PATJ: variants seen among roughly 807,000 people sequenced by gnomAD.
PATJ encodes the protein PATJ crumbs cell polarity complex component.
In PATJ, 190 loss-of-function variants were observed where a neutral mutation model predicts 224.9. The observed-to-expected ratio is 0.84, with a 90% CI of 0.75 to 0.95. The LOEUF (loss-of-function observed/expected upper bound fraction) is 0.95, where lower values mean the gene tolerates loss of function less well. Among genes scored for constraint, PATJ ranks in the 40% least tolerant of loss-of-function variants. The probability of loss-of-function intolerance (pLI) is 0.00; values close to 1 mark genes in which losing one functional copy is unlikely to be tolerated. For missense variants in PATJ, 2,121 were observed against 2,270.3 expected (o/e 0.93, Z 1.34); for synonymous variants, 769 against 820.3 (o/e 0.94, Z 1.07).
intron 19 of PATJ, among the ~76,000 whole-genome samples, chr1:61,862,190 AGTT>A (rs398069480): frequency 6.6e-6 from 1 of 150,978 alleles, no homozygotes; most frequent in African/African-American, 2.4e-5. Context: ...ATATATATAT[AGTT>A]GTTGTTGTTA....
At chr1:61,856,314 A>G (rs2148910365) in intron 18 of PATJ, 75 bp downstream of exon 18, 1 of 1,189,182 alleles carries the variant, frequency 8.4e-7, no homozygotes, top group East Asian at 2.3e-5. Flanking sequence ...GGAGACACAT[A>G]TACCTGGCCA....
chr1:62,106,182 A>ATATATATATATATATATATATC (rs1410706437), intron 33 of PATJ, among the ~76,000 whole-genome samples: 2 of 108,080 alleles, frequency 1.9e-5, no homozygotes, highest in African/African-American at 6.8e-5. Flanking sequence ...ATATATATAT[A>ATATATATATATATATATATATC]TATATGGCTG....
At chr1:61,827,663 G>T in intron 16 of PATJ, 80 bp downstream of exon 16, 1 of 1,365,086 alleles carries the variant, frequency 7.3e-7, no homozygotes, top group Non-Finnish European at 9.9e-7. Flanking sequence ...GCAATAAGAA[G>T]GGAGGGGAAA....
At chr1:61,897,103 G>T (rs925842179) in intron 22 of PATJ, among the ~76,000 whole-genome samples, 1 of 152,062 alleles carries the variant, frequency 6.6e-6, no homozygotes, top group Non-Finnish European at 1.5e-5. Flanking sequence ...GTAGATTTTT[G>T]TTATAAGTTC....
Position 61,771,578 on chromosome 1 carries a change from A to G in PATJ, c.672A>G (p.Thr224=). 1 of 1,610,912 alleles carries G rather than the reference A, an allele frequency of 6.2e-7. No individual in the cohort carries two copies. Among genetic ancestry groups the G allele is most frequent in the Non-Finnish European group, 8.5e-7 (1 of 1,179,112 alleles). Reference sequence around the variant, plus strand: ...TTGTGGCCAGGGAACCAGTCCACACAAAAAGCAGTACTTCTAGCAGCCTAA... The same window carrying G: ...TTGTGGCCAGGGAACCAGTCCACACGAAAAGCAGTACTTCTAGCAGCCTAA... ...RLIVAREPVH[T]KSSTSSSLND... Residue 224 remains threonine (T), a synonymous_variant, in exon 6 of 44, where the codon ACA becomes ACG. Transcript: ENST00000642238.
Position 61,762,930 on chromosome 1 carries a change from T to C in PATJ, c.22+16T>C. On this transcript the variant is annotated intron_variant, in intron 2 of 43. Coordinates refer to ENST00000642238, the MANE Select transcript of PATJ (RefSeq NM_001350145.3). ...CCTGCTACAGGTATACTGGATATATTGTTCTATAATTAAATTAATTATTTA... is the reference window on the plus strand; with the variant it reads ...CCTGCTACAGGTATACTGGATATATCGTTCTATAATTAAATTAATTATTTA... The C allele has an allele frequency of 6.6e-7, 1 of 1,519,080 alleles. No individual in the cohort carries two copies. Among genetic ancestry groups the C allele is most frequent in the Non-Finnish European group, 9.0e-7 (1 of 1,109,720 alleles). The allele number at this position is 1,519,080 out of a possible 1,614,324, so 94.1% of individuals were successfully genotyped here.
At chr1:61,821,028 G>A (rs1295197165) in intron 14 of PATJ, among the ~76,000 whole-genome samples, 1 of 151,800 alleles carries the variant, frequency 6.6e-6, no homozygotes, top group Non-Finnish European at 1.5e-5. Flanking sequence ...GAGAGGGAAC[G>A]GGAGGAAAAA....
intron 14 of PATJ, among the ~76,000 whole-genome samples, chr1:61,811,939 T>A (rs1392909734): frequency 6.6e-6 from 1 of 151,378 alleles, no homozygotes; most frequent in African/African-American, 2.4e-5. Context: ...CGGGCGCCTG[T>A]AGTCCCAGCT....
chr1:61,837,908 T>C (rs538894392), intron 17 of PATJ, among the ~76,000 whole-genome samples: 1 of 151,996 alleles, frequency 6.6e-6, no homozygotes, highest in African/African-American at 2.4e-5. Flanking sequence ...ATGAAAGTTG[T>C]GTAACTGAGC....
chr1:61,764,489 T>C lies in PATJ; in HGVS notation c.189+1310T>C, dbSNP rs139617267. ...GTTTTAACTGTCCTCTTGGATTCTT[T>C]GTTTTGGGGTCAGGGATGGCAAATT... is the stretch of plus-strand genomic sequence containing the variant. On this transcript the variant is annotated intron_variant, in intron 3 of 43. Transcript: ENST00000642238. 1.8e-4 allele frequency among the ~76,000 whole-genome samples: 27 copies of C among 152,176 alleles called. No homozygotes were observed. The East Asian group carries it at 3.5e-3, about 20-fold the overall frequency.
chr1:61,814,130 C>CTTTTTTTTTTTTTTTTTTTTT (rs762502160), intron 14 of PATJ, among the ~76,000 whole-genome samples: 1 of 85,900 alleles, frequency 1.2e-5, no homozygotes, highest in African/African-American at 4.8e-5. Context: ...TTATTCTCTT[C>CTTTTTTTTTTTTTTTTTTTTT]TTTTTTTTTT....
chr1:61,896,758 A>G (rs1010131655), intron 22 of PATJ, among the ~76,000 whole-genome samples: 2 of 152,090 alleles, frequency 1.3e-5, no homozygotes, highest in Non-Finnish European at 2.9e-5. Flanking sequence ...TGTTCTCATG[A>G]GAGTGAGGGA....
chr1:61,878,667 G>GA (rs1667670014), intron 21 of PATJ, among the ~76,000 whole-genome samples: 2 of 149,290 alleles, frequency 1.3e-5, no homozygotes, highest in Non-Finnish European at 3.0e-5. Flanking sequence ...AACATAGGGA[G>GA]ACCCCATCTC....
intron 43 of PATJ, among the ~76,000 whole-genome samples, chr1:62,154,965 G>A (rs748210973): frequency 5.9e-5 from 9 of 152,124 alleles, no homozygotes; most frequent in African/African-American, 1.7e-4. Flanking sequence ...AAAGAGGAGC[G>A]GAAAGGCAGC....
At chr1:61,999,315 C>T (rs1452304237) in intron 28 of PATJ, among the ~76,000 whole-genome samples, 1 of 152,140 alleles carries the variant, frequency 6.6e-6, no homozygotes, top group Non-Finnish European at 1.5e-5. Context: ...GAAATGCAGC[C>T]TGGAAAAATA....
At chr1:61,991,923 A>G in intron 28 of PATJ, 1 of 165,058 alleles carries the variant, frequency 6.1e-6, no homozygotes, top group Non-Finnish European at 1.3e-5. Context: ...CATTGTACAT[A>G]TTTGTATTCG....
intron 20 of PATJ, among the ~76,000 whole-genome samples, chr1:61,866,273 C>T (rs1346785075): frequency 6.6e-6 from 1 of 152,146 alleles, no homozygotes; most frequent in Non-Finnish European, 1.5e-5. Context: ...AAATAAAAGG[C>T]AACCTGAAAT....
At chr1:62,148,146 G>C in intron 41 of PATJ, 138 bp from the exon 42 acceptor site, 2 of 207,682 alleles carry the variant, frequency 9.6e-6, no homozygotes, top group Non-Finnish European at 2.1e-5. Context: ...AAAAAAGTTT[G>C]AGAGAATAGT....
At chr1:61,917,111 GT>G (rs1557873171) in intron 26 of PATJ, among the ~76,000 whole-genome samples, 1 of 152,198 alleles carries the variant, frequency 6.6e-6, no homozygotes, top group Non-Finnish European at 1.5e-5. Context: ...TGGCTAATTT[GT>G]TGGTTTTGCA....
Sources: allele counts gnomAD v4.1 joint callset (sites outside exome capture counted in the v4.1 genomes callset), GRCh38; gene constraint gnomAD v4.1.1; transcripts MANE v1.5; gene names NCBI Gene and HGNC (gene_info 2026-07-23, HGNC 2026-07-21).